Variants in KATNAL2 observed in about 807,000 individuals in gnomAD.
KATNAL2 encodes the protein katanin catalytic subunit A1 like 2.
In KATNAL2, 52 loss-of-function variants were observed where a neutral mutation model predicts 76.3. The observed-to-expected ratio is 0.68, with a 90% CI of 0.55 to 0.86. KATNAL2 has a LOEUF of 0.86. KATNAL2 is among the 40% of genes least tolerant of loss of function. The pLI, the probability that KATNAL2 is intolerant of heterozygous loss-of-function variation, is 0.00. For synonymous variants in KATNAL2, 243 were observed against 244.2 expected (o/e 1.00, Z 0.05); for missense variants, 660 against 668.9 (o/e 0.99, Z 0.15).
chr18:47,087,112 G>C (rs1039130595), intron 15 of KATNAL2, among the ~76,000 whole-genome samples: 2 of 152,124 alleles, frequency 1.3e-5, no homozygotes, highest in African/African-American at 4.8e-5. Context: ...AAATGGTTTA[G>C]TTATTTATCA....
rs1599746220 is a variant in KATNAL2 at position 47,069,293 on chromosome 18, G to A, written c.889+10G>A. ...CTGTACGGCCCTCCAGGTAAACACA[G>A]CTTCCTATTTTGATGTCAGTGTTAA... On this transcript the variant is annotated intron_variant, in intron 12 of 17. Coordinates refer to ENST00000683218, the MANE Select transcript of KATNAL2 (RefSeq NM_001387690.1). The A allele has an allele frequency of 6.2e-7, 1 of 1,604,146 alleles. No homozygotes were observed. Among genetic ancestry groups the A allele is most frequent in the African/African-American group, 1.3e-5 (1 of 74,586 alleles).
intron 3 of KATNAL2, among the ~76,000 whole-genome samples, chr18:46,958,670 G>A (rs577224603): frequency 3.9e-5 from 6 of 152,238 alleles, no homozygotes; most frequent in East Asian, 1.9e-4. Context: ...AAGACTATAC[G>A]TAATCTGTAT....
intron 8 of KATNAL2, among the ~76,000 whole-genome samples, chr18:47,060,821 A>T (rs1257123209): frequency 1.3e-5 from 2 of 152,212 alleles, no homozygotes; most frequent in Admixed American, 1.3e-4. Flanking sequence ...AGATGATGCC[A>T]TGGGAATCAA....
At chr18:47,084,571 A>G (rs1456617750) in intron 15 of KATNAL2, 5 of 590,690 alleles carry the variant, frequency 8.5e-6, no homozygotes, top group South Asian at 6.0e-5. Flanking sequence ...ACTGTGGGCC[A>G]GGTGCAGTGG....
intron 3 of KATNAL2, among the ~76,000 whole-genome samples, chr18:46,962,242 C>A (rs1442500190): frequency 2.2e-5 from 3 of 137,194 alleles, no homozygotes; most frequent in Non-Finnish European, 4.5e-5. Flanking sequence ...CTGCAGCGAT[C>A]TGCTTTCCTC....
At chr18:46,945,732 G>A (rs2059367423) in intron 1 of KATNAL2, among the ~76,000 whole-genome samples, 1 of 152,242 alleles carries the variant, frequency 6.6e-6, no homozygotes, top group South Asian at 2.1e-4. Flanking sequence ...AGATAGCCAA[G>A]TAAATCGCAT....
intron 3 of KATNAL2, among the ~76,000 whole-genome samples, chr18:46,958,312 T>C (rs1308292243): frequency 6.6e-6 from 1 of 152,152 alleles, no homozygotes; most frequent in African/African-American, 2.4e-5. Flanking sequence ...TTGGGACCTG[T>C]CAGCTTCTAT....
intron 1 of KATNAL2, among the ~76,000 whole-genome samples, chr18:46,926,263 C>T (rs1043716419): frequency 1.3e-5 from 2 of 151,736 alleles, no homozygotes; most frequent in Admixed American, 6.6e-5. Flanking sequence ...TGAATGTGTC[C>T]CAGAGATTCT....
chr18:46,950,997 T>C (rs2059537865), intron 3 of KATNAL2, among the ~76,000 whole-genome samples: 1 of 152,170 alleles, frequency 6.6e-6, no homozygotes, highest in Non-Finnish European at 1.5e-5. Context: ...TTCATACTCC[T>C]GAAGCTTGAT....
chr18:47,041,496 A>G (rs1195257916), intron 3 of KATNAL2, among the ~76,000 whole-genome samples: 14 of 152,170 alleles, frequency 9.2e-5, no homozygotes, highest in Admixed American at 9.2e-4. Flanking sequence ...AGTGATATGC[A>G]TCTAAATTTC....
intron 3 of KATNAL2, among the ~76,000 whole-genome samples, chr18:47,046,195 G>T (rs189491892): frequency 1.3e-5 from 2 of 152,136 alleles, no homozygotes; most frequent in African/African-American, 2.4e-5. Flanking sequence ...AGGCCGATTG[G>T]CTCGGCAGGA....
intron 3 of KATNAL2, among the ~76,000 whole-genome samples, chr18:46,961,762 T>C (rs750196609): frequency 6.6e-6 from 1 of 152,164 alleles, no homozygotes; most frequent in Non-Finnish European, 1.5e-5. Flanking sequence ...TGAGAGAAAA[T>C]AGTCCAAGGC....
At chr18:46,939,465 A>G (rs1285564590) in intron 1 of KATNAL2, among the ~76,000 whole-genome samples, 4 of 152,194 alleles carry the variant, frequency 2.6e-5, no homozygotes, top group African/African-American at 9.7e-5. Flanking sequence ...TATTCTATCA[A>G]CAGTCACAAC....
intron 3 of KATNAL2, among the ~76,000 whole-genome samples, chr18:47,041,209 A>G (rs2060950980): frequency 6.6e-6 from 1 of 152,226 alleles, no homozygotes; most frequent in Non-Finnish European, 1.5e-5. Context: ...TGGCATGATT[A>G]TCAACCAAAG....
intron 1 of KATNAL2, among the ~76,000 whole-genome samples, chr18:46,938,549 C>A (rs1177195973): frequency 6.6e-6 from 1 of 152,136 alleles, no homozygotes; most frequent in Non-Finnish European, 1.5e-5. Context: ...CAAAATATAT[C>A]CTAACTCTGA....
chr18:46,929,311 C>G (rs1314822270), intron 1 of KATNAL2, among the ~76,000 whole-genome samples: 1 of 151,728 alleles, frequency 6.6e-6, no homozygotes, highest in Non-Finnish European at 1.5e-5. Context: ...GGCATGATCG[C>G]AGCTCACTGC....
At chr18:47,044,772 CA>C (rs1569072756) in intron 3 of KATNAL2, among the ~76,000 whole-genome samples, 1 of 43,612 alleles carries the variant, frequency 2.3e-5, no homozygotes, top group Non-Finnish European at 5.7e-5. Context: ...AAAAAAAAAA[CA>C]AAAACAAAAA....
chr18:47,039,414 A>G (rs1349418398), intron 3 of KATNAL2, among the ~76,000 whole-genome samples: 1 of 151,660 alleles, frequency 6.6e-6, no homozygotes, highest in Non-Finnish European at 1.5e-5. Context: ...CAGTTCTCCC[A>G]TCCTCCCCAG....
chr18:47,070,519 G>A (rs1036715152), intron 13 of KATNAL2, among the ~76,000 whole-genome samples: 2 of 152,120 alleles, frequency 1.3e-5, no homozygotes, highest in Non-Finnish European at 2.9e-5. Context: ...TCCATTTATG[G>A]TTTAGGTCCC....
Sources: gnomAD v4.1 joint callset for allele counts (sites outside exome capture counted in the v4.1 genomes callset) on GRCh38, gnomAD v4.1.1 for gene constraint, MANE v1.5 for transcripts, NCBI Gene and HGNC (gene_info 2026-07-23, HGNC 2026-07-21) for gene names.